Variants in TRPM3 observed in about 807,000 individuals in gnomAD.
TRPM3 encodes the protein transient receptor potential cation channel subfamily M member 3.
A neutral mutation model predicts 181.2 loss-of-function variants in TRPM3; 77 were observed. The observed-to-expected ratio is 0.42, with a 90% confidence interval of 0.35 to 0.51. The LOEUF is 0.51. Ranked by LOEUF, TRPM3 falls within the 20% of genes least tolerant of loss-of-function variation. TRPM3 has a pLI of 0.01. For synonymous variants in TRPM3, 745 were observed against 796.4 expected (o/e 0.94, Z 1.09); for missense variants, 1,759 against 2,196.7 (o/e 0.80, Z 3.98).
chr9:71,148,622 G>T (rs1002868031), intron 1 of TRPM3, among the ~76,000 whole-genome samples: 2 of 152,050 alleles, frequency 1.3e-5, no homozygotes, highest in Non-Finnish European at 2.9e-5. Context: ...CATGAACCAA[G>T]AATTTTATAC....
intron 4 of TRPM3, among the ~76,000 whole-genome samples, chr9:70,846,005 A>G (rs1307739225): frequency 6.6e-6 from 1 of 152,212 alleles, no homozygotes. Flanking sequence ...GCTATTTGGT[A>G]CCAAACTTGA....
In TRPM3 at chr9:70,662,427, A is replaced by C. The variant is rs189753880; in HGVS notation, c.1345+19079T>G. ...CAAAACAAAAATAAATTGCTTCTTC[A>C]TAGCAAAAGAAATTACAGAGTAAAC... On this transcript the variant is annotated intron_variant, in intron 9 of 25. Transcript: ENST00000677713. Among the ~76,000 whole-genome samples the C allele has an allele frequency of 3.9e-5, 6 of 151,944 alleles. 1 individual carries two copies. The East Asian group carries it at 1.2e-3, about 29-fold the overall frequency.
intron 1 of TRPM3, among the ~76,000 whole-genome samples, chr9:71,245,443 C>A (rs201693142): frequency 1.6e-3 from 208 of 133,484 alleles, no homozygotes; most frequent in African/African-American, 1.5e-3. Flanking sequence ...GACTCCATTT[C>A]AAAAAAAAAA....
intron 1 of TRPM3, among the ~76,000 whole-genome samples, chr9:71,277,357 T>C (rs1444626067): frequency 6.6e-6 from 1 of 152,238 alleles, no homozygotes; most frequent in African/African-American, 2.4e-5. Flanking sequence ...ATCATTATTC[T>C]TACACTGCAT....
intron 1 of TRPM3, among the ~76,000 whole-genome samples, chr9:71,346,807 T>C (rs2091323142): frequency 6.6e-6 from 1 of 152,180 alleles, no homozygotes. Flanking sequence ...GAGGTAGAAG[T>C]ACTATCTGCT....
At chr9:71,234,919 G>T (rs1254222793) in intron 1 of TRPM3, among the ~76,000 whole-genome samples, 1 of 152,158 alleles carries the variant, frequency 6.6e-6, no homozygotes, top group Non-Finnish European at 1.5e-5. Flanking sequence ...TTAACAAATA[G>T]TGTGCAAATA....
intron 9 of TRPM3, among the ~76,000 whole-genome samples, chr9:70,663,311 G>C (rs563133801): frequency 6.6e-6 from 1 of 152,162 alleles, no homozygotes; most frequent in East Asian, 1.9e-4. Context: ...GGTGACGGGT[G>C]CATTAAAATC....
At chr9:70,924,741 C>CTTA (rs948233138) in intron 1 of TRPM3, among the ~76,000 whole-genome samples, 7 of 152,076 alleles carry the variant, frequency 4.6e-5, no homozygotes, top group Admixed American at 3.9e-4. Context: ...ATACGTAAGC[C>CTTA]TTATAGTCCT....
intron 1 of TRPM3, among the ~76,000 whole-genome samples, chr9:71,093,787 C>CCT (rs2066646431): frequency 6.6e-6 from 1 of 152,098 alleles, no homozygotes. Flanking sequence ...CACATACACA[C>CCT]ATATGTTTGT....
intron 1 of TRPM3, among the ~76,000 whole-genome samples, chr9:71,374,590 T>C (rs577261904): frequency 1.7e-3 from 255 of 152,292 alleles, no homozygotes; most frequent in African/African-American, 5.8e-3. Flanking sequence ...TTGGAAGTTC[T>C]GGCCAGGGCA....
chr9:71,226,535 A>G (rs1360781877), intron 1 of TRPM3, among the ~76,000 whole-genome samples: 2 of 152,182 alleles, frequency 1.3e-5, no homozygotes, highest in Non-Finnish European at 2.9e-5. Flanking sequence ...AGCTATACTT[A>G]TATCAGACAA....
chr9:71,291,463 A>G (rs1420358731), intron 1 of TRPM3, among the ~76,000 whole-genome samples: 1 of 152,154 alleles, frequency 6.6e-6, no homozygotes, highest in African/African-American at 2.4e-5. Flanking sequence ...AATTGCTCAT[A>G]AAAGCCAATT....
At chr9:70,752,056 G>A (rs925153579) in intron 8 of TRPM3, among the ~76,000 whole-genome samples, 20 of 109,564 alleles carry the variant, frequency 1.8e-4, no homozygotes, top group East Asian at 2.6e-4. Context: ...GTGTGCGCGC[G>A]CGCGCGCATA....
At chr9:70,571,307 A>G (rs1193901808) in intron 22 of TRPM3, among the ~76,000 whole-genome samples, 1 of 152,164 alleles carries the variant, frequency 6.6e-6, no homozygotes, top group Non-Finnish European at 1.5e-5. Context: ...TGAATTAGGT[A>G]ATAATTACAG....
intron 1 of TRPM3, among the ~76,000 whole-genome samples, chr9:70,982,219 A>T (rs1200090186): frequency 6.6e-6 from 1 of 152,222 alleles, no homozygotes; most frequent in African/African-American, 2.4e-5. Context: ...CTGATATCGT[A>T]TAACAATAAA....
chr9:71,033,544 A>G (rs2057802404), intron 1 of TRPM3, among the ~76,000 whole-genome samples: 1 of 150,258 alleles, frequency 6.7e-6, no homozygotes, highest in Admixed American at 6.6e-5. Flanking sequence ...ATTTAAGATT[A>G]ATAAAAACAA....
At chr9:70,876,913 C>G (rs756793933) in intron 1 of TRPM3, among the ~76,000 whole-genome samples, 2 of 151,876 alleles carry the variant, frequency 1.3e-5, no homozygotes, top group Admixed American at 6.6e-5. Context: ...TCCCTCCTTC[C>G]ACCTCTCTCC....
intron 1 of TRPM3, among the ~76,000 whole-genome samples, chr9:70,892,849 C>T (rs190490562): frequency 7.1e-4 from 108 of 152,174 alleles, no homozygotes; most frequent in Admixed American, 4.5e-3. Context: ...ATCAGTTGAA[C>T]AACAAAATAA....
intron 1 of TRPM3, among the ~76,000 whole-genome samples, chr9:71,443,900 G>C (rs1296143666): frequency 6.6e-6 from 1 of 152,110 alleles, no homozygotes; most frequent in East Asian, 1.9e-4. Flanking sequence ...TGAAAACTAG[G>C]TCAGGCACGG....
Sources: allele counts gnomAD v4.1 joint callset (sites outside exome capture counted in the v4.1 genomes callset), GRCh38; gene constraint gnomAD v4.1.1; transcripts MANE v1.5; gene names NCBI Gene and HGNC (gene_info 2026-07-23, HGNC 2026-07-21).